The following PIGU variants were observed in gnomAD, a reference collection of about 807,000 sequenced individuals.
PIGU encodes GPI-anchor transamidase component PIGU.
PIGU carries 24 observed loss-of-function variants against 49.9 expected under a neutral mutation model. That is an observed-to-expected ratio of 0.48 (90% CI 0.35 to 0.68). The LOEUF (loss-of-function observed/expected upper bound fraction) is 0.68, where lower values mean the gene tolerates loss of function less well. Ranked by LOEUF, PIGU falls within the 30% of genes least tolerant of loss-of-function variation. The pLI is 0.01. For missense variants in PIGU, 490 were observed against 532.6 expected, an observed-to-expected ratio of 0.92 and a Z score of 0.79; for synonymous variants, 220 against 205.7, an observed-to-expected ratio of 1.07 and a Z score of -0.59.
chr20:34,574,351 GC>G (rs1983134744), intron 11 of PIGU, among the ~76,000 whole-genome samples: 1 of 152,250 alleles, frequency 6.6e-6, no homozygotes, highest in African/African-American at 2.4e-5. Flanking sequence ...TTAAAACAGA[GC>G]CATGTACTTG....
intron 6 of PIGU, among the ~76,000 whole-genome samples, chr20:34,623,267 CT>C (rs914211608): frequency 6.6e-6 from 1 of 152,202 alleles, no homozygotes; most frequent in African/African-American, 2.4e-5. Context: ...ACAAGTGAGA[CT>C]GCCCAGGAGG....
At chr20:34,673,299 G>A (rs1987373997) in intron 1 of PIGU, among the ~76,000 whole-genome samples, 1 of 151,014 alleles carries the variant, frequency 6.6e-6, no homozygotes, top group Non-Finnish European at 1.5e-5. Context: ...GAAACCAGAA[G>A]GAGTCCTACT....
chr20:34,647,216 C>A (rs1986376717), intron 2 of PIGU, among the ~76,000 whole-genome samples: 2 of 152,014 alleles, frequency 1.3e-5, no homozygotes, highest in Non-Finnish European at 2.9e-5. Context: ...GGTGATCCAC[C>A]CACCTCGGCC....
intron 1 of PIGU, among the ~76,000 whole-genome samples, chr20:34,658,841 C>G (rs961554334): frequency 6.6e-6 from 1 of 151,820 alleles, no homozygotes; most frequent in Non-Finnish European, 1.5e-5. Context: ...GCCCGGCAGC[C>G]ACCCCGTCTG....
intron 7 of PIGU, among the ~76,000 whole-genome samples, chr20:34,613,039 T>C (rs919369965): frequency 1.3e-5 from 2 of 152,288 alleles, no homozygotes; most frequent in Middle Eastern, 3.4e-3. Flanking sequence ...AATGGGATCC[T>C]GAAGTTCATC....
chr20:34,672,919 T>C (rs1364386353), intron 1 of PIGU, among the ~76,000 whole-genome samples: 2 of 150,806 alleles, frequency 1.3e-5, no homozygotes, highest in East Asian at 3.9e-4. Flanking sequence ...TATTTGGATT[T>C]GGATCCAGGG....
chr20:34,562,200 C>T (rs552935422), intron 11 of PIGU, among the ~76,000 whole-genome samples: 1 of 152,338 alleles, frequency 6.6e-6, no homozygotes, highest in East Asian at 1.9e-4. Context: ...GACCACTGGT[C>T]CCTGGAGCAG....
intron 11 of PIGU, among the ~76,000 whole-genome samples, chr20:34,572,538 T>G: frequency 6.6e-6 from 1 of 152,102 alleles, no homozygotes; most frequent in East Asian, 1.9e-4. Context: ...CCTATAATCC[T>G]GGCTACTCAG....
intron 7 of PIGU, among the ~76,000 whole-genome samples, chr20:34,607,569 C>T (rs987864598): frequency 2.0e-5 from 3 of 152,196 alleles, no homozygotes; most frequent in African/African-American, 7.2e-5. Context: ...AATAAAATCC[C>T]CTGCATTTAC....
intron 11 of PIGU, among the ~76,000 whole-genome samples, chr20:34,565,017 T>G (rs1982684031): frequency 6.6e-6 from 1 of 152,180 alleles, no homozygotes; most frequent in South Asian, 2.1e-4. Flanking sequence ...GGGCTTTCCA[T>G]TTGGGCCGTG....
In PIGU at chr20:34,611,648, G is replaced by GA. The variant is rs146531122; in HGVS notation, c.627+4393dup. ...GCAACAGAGCAAGACTCAAGTCTCA[G>GA]AAAAAAAAAAAAAAAAAGACAAAAA... On this transcript the variant is annotated intron_variant, in intron 7 of 11. Coordinates refer to ENST00000217446, the MANE Select transcript of PIGU (RefSeq NM_080476.5). Among the ~76,000 whole-genome samples the GA allele has an allele frequency of 8.1e-3, 528 of 64,876 alleles. 5 individuals are homozygous for GA. The highest frequency in any genetic ancestry group is 0.018 in the African/African-American group (327 of 17,958). The allele number at this position is 64,876 out of a possible 152,430, so 42.6% of individuals were successfully genotyped here. A position where few individuals can be genotyped will look rare whatever the true frequency, so the allele number is the denominator to read the frequency against.
chr20:34,660,077 TTAAAAAATAAA>T (rs146300352), intron 1 of PIGU, among the ~76,000 whole-genome samples: 56,619 of 141,810 alleles, frequency 0.4, 11,689 homozygotes, highest in Non-Finnish European at 0.45. Flanking sequence ...AAGAACAGCT[TTAAAAAATAAA>T]TAAATAATAA....
intron 1 of PIGU, among the ~76,000 whole-genome samples, chr20:34,671,562 T>C (rs1987307200): frequency 6.6e-6 from 1 of 151,922 alleles, no homozygotes; most frequent in African/African-American, 2.4e-5. Context: ...GTGCCCAGCC[T>C]GTTAATTTCT....
chr20:34,576,843 C>T (rs180733423), intron 10 of PIGU, among the ~76,000 whole-genome samples: 1 of 152,274 alleles, frequency 6.6e-6, no homozygotes, highest in African/African-American at 2.4e-5. Context: ...GAAGATTTCC[C>T]ATATTCCCCC....
chr20:34,659,427 T>TG (rs1208317051), intron 1 of PIGU, among the ~76,000 whole-genome samples: 17 of 126,420 alleles, frequency 1.3e-4, no homozygotes, highest in Non-Finnish European at 1.5e-4. Flanking sequence ...GGGAGGGAGG[T>TG]GGGGGGGTCA....
chr20:34,585,619 A>C (rs1161494982), intron 8 of PIGU, 39 bp from the exon 9 acceptor site: 3 of 1,601,256 alleles, frequency 1.9e-6, no homozygotes, highest in Non-Finnish European at 2.6e-6. Context: ...AAAAGACAAA[A>C]GTTATAAATT....
intron 7 of PIGU, among the ~76,000 whole-genome samples, chr20:34,608,071 CTTTTTT>C (rs10555161): frequency 8.1e-6 from 1 of 123,858 alleles, no homozygotes. Flanking sequence ...GGAGACATGA[CTTTTTT>C]TTTTTTTTTT....
rs1184651663 is a variant in PIGU, at chr20:34,637,943, G to C, written c.361C>G (p.Pro121Ala). ...GTCCGGATGAGTTCGGCCACATCTGGGGCATACTGGTCCAGTTCTAGGAGG... is the reference window on the plus strand; with the variant it reads ...GTCCGGATGAGTTCGGCCACATCTGCGGCATACTGGTCCAGTTCTAGGAGG... The part of the protein sequence containing the change: ...KLLLELDQYA[P>A]DVAELIRTPM... The change falls in exon 5 of 12, where the codon CCA becomes GCA. Residue 121 changes from proline (P) to alanine (A), a missense_variant. Transcript: ENST00000217446. 1 of 1,604,550 alleles carries C rather than the reference G, an allele frequency of 6.2e-7. No homozygotes were observed.
chr20:34,644,440 G>A (rs1419508294), intron 3 of PIGU, among the ~76,000 whole-genome samples: 1 of 152,120 alleles, frequency 6.6e-6, no homozygotes, highest in Non-Finnish European at 1.5e-5. Flanking sequence ...GACCCATCTA[G>A]GTTCACTTCA....
Sources: gnomAD v4.1 joint callset for allele counts (sites outside exome capture counted in the v4.1 genomes callset) on GRCh38, gnomAD v4.1.1 for gene constraint, MANE v1.5 for transcripts, NCBI Gene and HGNC (gene_info 2026-07-23, HGNC 2026-07-21) for gene names.